PUDP: variants seen among roughly 807,000 people sequenced by gnomAD.
PUDP encodes the protein pseudouridine-5'-phosphatase.
In PUDP, 8 loss-of-function variants were observed where a neutral mutation model predicts 9.4. That is an observed-to-expected ratio of 0.85 (90% confidence interval 0.50 to 1.53). The LOEUF (loss-of-function observed/expected upper bound fraction) is 1.53, where lower values mean the gene tolerates loss of function less well. PUDP is among the 40% of genes most tolerant of loss of function. The pLI is 0.00. For synonymous variants in PUDP, 99 were observed against 80.7 expected, an observed-to-expected ratio of 1.23 and a Z score of -1.22; for missense variants, 188 against 189.7, an observed-to-expected ratio of 0.99 and a Z score of 0.05.
At chrX:7,145,750 T>TAAC (rs1335832807) in intron 1 of PUDP, among the ~76,000 whole-genome samples, 1 of 111,563 alleles carries the variant, frequency 9.0e-6, no homozygotes, top group African/African-American at 3.3e-5. Flanking sequence ...CCTCTAATGT[T>TAAC]AACAATCCTC....
intron 3 of PUDP, among the ~76,000 whole-genome samples, chrX:6,786,505 C>G (rs1925650202): frequency 8.9e-6 from 1 of 111,899 alleles, no homozygotes; most frequent in African/African-American, 3.2e-5. Flanking sequence ...GTATGGAATC[C>G]CTCTTCTCTG....
chrX:6,867,391 G>A (rs1017188048), intron 3 of PUDP, among the ~76,000 whole-genome samples: 2 of 111,985 alleles, frequency 1.8e-5, no homozygotes, highest in African/African-American at 6.5e-5. Context: ...GGGTCACAGT[G>A]AAGCCAGCAT....
At chrX:7,128,092 A>T (rs971696105) in intron 1 of PUDP, among the ~76,000 whole-genome samples, 1 of 111,184 alleles carries the variant, frequency 9.0e-6, no homozygotes, top group African/African-American at 3.3e-5. Flanking sequence ...CCCAGGCTGG[A>T]GTGCAGTGGT....
At chrX:7,092,122 C>T (rs1011043658) in intron 2 of PUDP, among the ~76,000 whole-genome samples, 5 of 112,831 alleles carry the variant, frequency 4.4e-5, no homozygotes, top group Admixed American at 9.3e-5. Flanking sequence ...TCTCCTTCTC[C>T]GTTTCACTTC....
chrX:6,797,332 T>G (rs994106389), intron 3 of PUDP, among the ~76,000 whole-genome samples: 8 of 111,979 alleles, frequency 7.1e-5, no homozygotes, highest in African/African-American at 2.6e-4. Context: ...ACCCTTGCTA[T>G]GCATGTCCTC....
intron 2 of PUDP, among the ~76,000 whole-genome samples, chrX:7,090,096 G>A (rs1421220819): frequency 4.5e-5 from 5 of 111,221 alleles, no homozygotes; most frequent in Non-Finnish European, 3.8e-5. Context: ...AATCCCCAAC[G>A]AGTTTCTTCC....
intron 1 of PUDP, among the ~76,000 whole-genome samples, chrX:7,015,641 C>G (rs1833442468): frequency 9.0e-6 from 1 of 111,391 alleles, no homozygotes; most frequent in Admixed American, 9.5e-5. Context: ...GTGGCCTGAT[C>G]CATGGTTCAC....
At chrX:6,854,286 A>C (rs765126128) in intron 3 of PUDP, among the ~76,000 whole-genome samples, 24 of 112,019 alleles carry the variant, frequency 2.1e-4, no homozygotes, top group Non-Finnish European at 3.0e-4. Context: ...CACTCTTTAA[A>C]GAAATTAGGA....
intron 3 of PUDP, among the ~76,000 whole-genome samples, chrX:6,896,917 C>A (rs1927601206): frequency 9.0e-6 from 1 of 111,250 alleles, no homozygotes; most frequent in Non-Finnish European, 1.9e-5. Flanking sequence ...ATTGCAATTC[C>A]ATTGTTTGGG....
At chrX:7,089,063 G>A (rs1207567119) in intron 2 of PUDP, among the ~76,000 whole-genome samples, 4 of 111,916 alleles carry the variant, frequency 3.6e-5, no homozygotes, top group Admixed American at 9.5e-5. Context: ...GTCTGGAAAG[G>A]ATGCATGTTC....
At chrX:7,141,027 A>G (rs1206858187) in intron 1 of PUDP, among the ~76,000 whole-genome samples, 1 of 111,738 alleles carries the variant, frequency 8.9e-6, no homozygotes, top group Non-Finnish European at 1.9e-5. Context: ...TGATTGCTCC[A>G]TAGACCCCCA....
intron 3 of PUDP, among the ~76,000 whole-genome samples, chrX:6,820,809 A>G (rs1286654545): frequency 9.0e-6 from 1 of 111,278 alleles, no homozygotes. Flanking sequence ...CGGCTTTTCC[A>G]GGCGCATGAT....
chrX:6,995,519 T>A (rs1406965991), intron 1 of PUDP, among the ~76,000 whole-genome samples: 1 of 110,242 alleles, frequency 9.1e-6, no homozygotes, highest in Non-Finnish European at 1.9e-5. Flanking sequence ...AGTCCAGGAG[T>A]TCGAGACCAG....
At chrX:6,928,186 C>T (rs1928136269) in intron 3 of PUDP, among the ~76,000 whole-genome samples, 1 of 111,098 alleles carries the variant, frequency 9.0e-6, no homozygotes, top group African/African-American at 3.3e-5. Flanking sequence ...ACCACCCCGG[C>T]CTCCCAAAGT....
chrX:7,119,909 T>C (rs907105779), intron 1 of PUDP, among the ~76,000 whole-genome samples: 15 of 112,169 alleles, frequency 1.3e-4, no homozygotes, highest in Non-Finnish European at 2.8e-4. Flanking sequence ...GCTTGGATTA[T>C]GTGAAGGTTT....
At chrX:7,058,474 T>A (rs1264772012) in intron 3 of PUDP, among the ~76,000 whole-genome samples, 1 of 111,177 alleles carries the variant, frequency 9.0e-6, no homozygotes, top group Non-Finnish European at 1.9e-5. Context: ...TCATAGGAGG[T>A]TTTTTCCTAT....
intron 3 of PUDP, among the ~76,000 whole-genome samples, chrX:6,872,345 T>G (rs190468853): frequency 3.0e-4 from 33 of 111,121 alleles, no homozygotes; most frequent in Non-Finnish European, 4.9e-4. Flanking sequence ...AGGACACCAG[T>G]GTTATTCGAT....
At chrX:6,930,948 C>A (rs1246029188) in intron 3 of PUDP, among the ~76,000 whole-genome samples, 1 of 107,262 alleles carries the variant, frequency 9.3e-6, no homozygotes, top group Admixed American at 9.9e-5. Flanking sequence ...AGTGTTGCAT[C>A]CTTATACAAA....
intron 1 of PUDP, among the ~76,000 whole-genome samples, chrX:7,014,384 G>A (rs1477882059): frequency 9.0e-6 from 1 of 110,725 alleles, no homozygotes; most frequent in Non-Finnish European, 1.9e-5. Context: ...TCATGAATGT[G>A]TGGTCACAAC....
Sources: allele counts gnomAD v4.1 joint callset (sites outside exome capture counted in the v4.1 genomes callset), GRCh38; gene constraint gnomAD v4.1.1; transcripts MANE v1.5; gene names NCBI Gene and HGNC (gene_info 2026-07-23, HGNC 2026-07-21).